The following SEC31A variants were observed in gnomAD, a reference collection of about 807,000 sequenced individuals.
The protein encoded by SEC31A is SEC31 homolog A, COPII component.
A neutral mutation model predicts 151.0 loss-of-function variants in SEC31A; 70 were observed. The observed-to-expected ratio is 0.46, with a 90% CI of 0.38 to 0.57. SEC31A has a LOEUF of 0.57. Among genes scored for constraint, SEC31A ranks in the 20% least tolerant of loss-of-function variants. SEC31A has a pLI of 0.00. For synonymous variants in SEC31A, 475 were observed against 505.9 expected (o/e 0.94, Z 0.82); for missense variants, 1,330 against 1,471.2 (o/e 0.90, Z 1.57).
intron 22 of SEC31A, among the ~76,000 whole-genome samples, chr4:82,837,711 T>C (rs1423551539): frequency 3.3e-5 from 5 of 152,192 alleles, no homozygotes; most frequent in Non-Finnish European, 5.9e-5. Flanking sequence ...CACCTTAGCG[T>C]AGAGATTTAT....
Position 82,857,143 on chromosome 4 carries a change from A to G in SEC31A, c.1703-13T>C. On this transcript the variant is annotated splice_polypyrimidine_tract_variant and intron_variant, in intron 15 of 26. Coordinates refer to ENST00000395310, the MANE Select transcript of SEC31A (RefSeq NM_001077207.4). ...AAACCATCAATGTCTGCAACAAGAAAATAATACATCCAAGTTAAATAGAGT... is the reference window on the plus strand; with the variant it reads ...AAACCATCAATGTCTGCAACAAGAAGATAATACATCCAAGTTAAATAGAGT... 6.2e-7 allele frequency: 1 copy of G among 1,606,340 alleles called. No individual in the cohort carries two copies. Among genetic ancestry groups the G allele is most frequent in the Non-Finnish European group, 8.5e-7 (1 of 1,177,952 alleles).
At chr4:82,866,160 A>AGAAG (rs1735335691) in intron 10 of SEC31A, among the ~76,000 whole-genome samples, 1 of 151,924 alleles carries the variant, frequency 6.6e-6, no homozygotes, top group Non-Finnish European at 1.5e-5. Context: ...AGAGAGAGAG[A>AGAAG]GAAGGAAGAC....
In SEC31A at chr4:82,856,998, C is replaced by T. The variant is rs780538127; in HGVS notation, c.1835G>A (p.Arg612Gln). The T allele has an allele frequency of 3.3e-5, 53 of 1,611,040 alleles. No homozygotes were observed. The highest frequency in any genetic ancestry group is 2.9e-4 in the East Asian group (13 of 44,834). The change falls in exon 16 of 27, where the codon CGA (arginine) becomes CAA (glutamine). Residue 612 changes from arginine (R) to glutamine (Q), a missense_variant. Physicochemically the swap from Arg to Gln is conservative, Grantham distance 43 (BLOSUM62 1). Transcript: ENST00000395310. ...AIAGGQELLARTQKKYFAKSQ... is the reference protein window; with the variant it reads ...AIAGGQELLAQTQKKYFAKSQ... ...TTTTGCGAAGTATTTTTTCTGGGTTCGAGCCAAGAGTTCTTGTCCACCTGC... is the reference window on the plus strand; with the variant it reads ...TTTTGCGAAGTATTTTTTCTGGGTTTGAGCCAAGAGTTCTTGTCCACCTGC...
intron 3 of SEC31A, among the ~76,000 whole-genome samples, chr4:82,899,039 A>T (rs1720186071): frequency 1.3e-5 from 2 of 152,252 alleles, no homozygotes; most frequent in South Asian, 4.1e-4. Context: ...AATAAAAAAT[A>T]AAGTACTGAT....
chr4:82,846,366 C>CATAATAATAATAATAATAATA (rs35831381), intron 20 of SEC31A, among the ~76,000 whole-genome samples: 129 of 140,534 alleles, frequency 9.2e-4, no homozygotes, highest in African/African-American at 1.7e-3. Context: ...AACTCCAAAA[C>CATAATAATAATAATAATAATA]ATAATAATAA....
chr4:82,882,479 T>C (rs972225721), intron 1 of SEC31A, among the ~76,000 whole-genome samples: 1 of 151,050 alleles, frequency 6.6e-6, no homozygotes, highest in African/African-American at 2.4e-5. Context: ...GCTATTCTGT[T>C]TACAGATTAT....
chr4:82,869,516 T>C (rs1232697149), intron 8 of SEC31A, among the ~76,000 whole-genome samples: 1 of 152,102 alleles, frequency 6.6e-6, no homozygotes, highest in Non-Finnish European at 1.5e-5. Flanking sequence ...CAGGCAAAAA[T>C]TCATCTAATT....
chr4:82,882,199 T>C (rs560229033), intron 1 of SEC31A, among the ~76,000 whole-genome samples: 16 of 151,892 alleles, frequency 1.1e-4, no homozygotes, highest in African/African-American at 2.2e-4. Flanking sequence ...GTCAGGAGAT[T>C]GAGACCATCC....
At chr4:82,891,254 A>C, upstream of SEC31A, 1 of 1,369,098 alleles carries the variant, frequency 7.3e-7, no homozygotes, top group Non-Finnish European at 9.9e-7. Context: ...TCCGGGAGCG[A>C]CATCTTTCCC....
chr4:82,860,646 A>ATT (rs11436377), intron 14 of SEC31A, among the ~76,000 whole-genome samples: 41 of 148,464 alleles, frequency 2.8e-4, no homozygotes, highest in Admixed American at 4.7e-4. Context: ...CTAATTTTTT[A>ATT]TTTTTTTTTT....
intron 24 of SEC31A, among the ~76,000 whole-genome samples, chr4:82,827,088 G>C (rs925738710): frequency 3.0e-4 from 45 of 152,216 alleles, no homozygotes; most frequent in African/African-American, 1.0e-3. Flanking sequence ...ACCTCACGCA[G>C]AGATGATTTA....
intron 1 of SEC31A, among the ~76,000 whole-genome samples, chr4:82,884,314 T>C (rs1395588443): frequency 6.6e-6 from 1 of 152,160 alleles, no homozygotes; most frequent in African/African-American, 2.4e-5. Context: ...TTCTATTAAG[T>C]TGATAGACTA....
chr4:82,882,501 T>C (rs2125860464), intron 1 of SEC31A, among the ~76,000 whole-genome samples: 1 of 151,354 alleles, frequency 6.6e-6, no homozygotes, highest in Admixed American at 6.6e-5. Context: ...GTTCTTCAGT[T>C]GAATCAGTCT....
At chr4:82,851,100 C>T (rs1350246618) in intron 19 of SEC31A, among the ~76,000 whole-genome samples, 2 of 152,142 alleles carry the variant, frequency 1.3e-5, no homozygotes, top group African/African-American at 2.4e-5. Flanking sequence ...AGCTTTTTGA[C>T]ATAAAATATT....
At chr4:82,863,517 CTGTT>C (rs1246184998) in intron 11 of SEC31A, 125 bp from the exon 12 acceptor site, 1 of 580,190 alleles carries the variant, frequency 1.7e-6, no homozygotes, top group Non-Finnish European at 2.8e-6. Flanking sequence ...TAAAGATTCA[CTGTT>C]TGAAGGAATC....
chr4:82,820,820 GTC>G (rs1439848634), intron 26 of SEC31A, among the ~76,000 whole-genome samples: 2 of 151,990 alleles, frequency 1.3e-5, no homozygotes, highest in African/African-American at 4.8e-5. Context: ...GGGTTAAAAT[GTC>G]TCTCTCAACA....
upstream of SEC31A, chr4:82,900,556 G>C (rs186374887): frequency 8.6e-5 from 46 of 537,152 alleles, no homozygotes; most frequent in Admixed American, 2.1e-4. Context: ...GCGGAGGGAG[G>C]AGCGGTCAAA....
At chr4:82,847,918 A>T (rs1006423405) in intron 20 of SEC31A, among the ~76,000 whole-genome samples, 4 of 152,362 alleles carry the variant, frequency 2.6e-5, no homozygotes, top group African/African-American at 9.6e-5. Flanking sequence ...TAGTAGTACC[A>T]AACAAAAACA....
rs143806590 is a variant in SEC31A, at chr4:82,851,461, G to T, written c.2298C>A (p.Ala766=). 6.2e-6 allele frequency: 10 copies of T among 1,612,098 alleles called. No individual in the cohort carries two copies. In the African/African-American group the frequency reaches 1.3e-4, roughly 22 times the overall value. The part of the protein sequence containing the change: ...LLAAQGSIAA[A]LAFLPDNTNQ... The stretch of plus-strand genomic sequence containing the variant: ...TGGTGTTGTCAGGAAGAAAAGCCAA[G>T]GCTGCAGCAATACTGCCCTGAGCTG... Residue 766 remains alanine, a synonymous_variant, in exon 19 of 27, where the codon GCC becomes GCA. Transcript: ENST00000395310.
Sources: allele counts gnomAD v4.1 joint callset (sites outside exome capture counted in the v4.1 genomes callset), GRCh38; gene constraint gnomAD v4.1.1; transcripts MANE v1.5; gene names NCBI Gene and HGNC (gene_info 2026-07-23, HGNC 2026-07-21).